The following PDZD2 variants were observed in gnomAD, a reference collection of about 807,000 sequenced individuals.
PDZD2 encodes the protein PDZ domain containing 2.
Under a neutral mutation model 220.7 loss-of-function variants are expected in PDZD2, and 90 were observed. The ratio of observed to expected loss-of-function variants is 0.41; its 90% confidence interval spans 0.34 to 0.49. PDZD2 has a LOEUF of 0.49. Ranked by LOEUF, PDZD2 falls within the 20% of genes least tolerant of loss-of-function variation. PDZD2 has a pLI of 0.28. For synonymous variants in PDZD2, 1,375 were observed against 1,450.5 expected (o/e 0.95, Z 1.18); for missense variants, 3,174 against 3,608.5 (o/e 0.88, Z 3.08).
At chr5:31,690,906 C>T (rs1747092073) in intron 1 of PDZD2, among the ~76,000 whole-genome samples, 1 of 152,102 alleles carries the variant, frequency 6.6e-6, no homozygotes, top group Admixed American at 6.5e-5. Context: ...ATGATGATGA[C>T]CATGATGCCA....
rs1746412025 is a variant in PDZD2 at position 31,943,807 on chromosome 5, T to TG, written c.477-39346dup. Reference sequence around the variant, plus strand: ...CTTTAAACATCTGTCTATCTTAACCTGGATTCTATTAGTAGATTTCAGAGG... The same window carrying TG: ...CTTTAAACATCTGTCTATCTTAACCTGGGATTCTATTAGTAGATTTCAGAGG... On this transcript the variant is annotated intron_variant, in intron 2 of 24. Transcript: ENST00000438447. Among the ~76,000 whole-genome samples the TG allele has an allele frequency of 5.3e-5, 8 of 152,338 alleles. No homozygotes were observed. The South Asian group carries it at 1.7e-3, about 32-fold the overall frequency.
chr5:31,692,337 G>A (rs1678920), intron 1 of PDZD2, among the ~76,000 whole-genome samples: 34,737 of 152,210 alleles, frequency 0.23, 4,508 homozygotes, highest in African/African-American at 0.36. Context: ...GTTCCCGCCC[G>A]CGCCTCTCCC....
At chr5:31,760,242 A>G (rs1222915152) in intron 1 of PDZD2, among the ~76,000 whole-genome samples, 2 of 152,236 alleles carry the variant, frequency 1.3e-5, no homozygotes, top group African/African-American at 4.8e-5. Context: ...CATGATTCTC[A>G]GGAAATGTGC....
chr5:31,818,318 G>A (rs182761127), intron 2 of PDZD2, among the ~76,000 whole-genome samples: 81 of 152,160 alleles, frequency 5.3e-4, no homozygotes, highest in African/African-American at 1.9e-3. Flanking sequence ...TCAAAATTTC[G>A]AAAGTAGTCA....
intron 2 of PDZD2, among the ~76,000 whole-genome samples, chr5:31,895,211 G>T (rs1436598072): frequency 6.6e-6 from 1 of 152,136 alleles, no homozygotes; most frequent in Non-Finnish European, 1.5e-5. Flanking sequence ...TTTGCCAAGT[G>T]CAATGGACTG....
chr5:31,962,701 G>A (rs1459676401), intron 2 of PDZD2, among the ~76,000 whole-genome samples: 1 of 152,190 alleles, frequency 6.6e-6, no homozygotes, highest in Non-Finnish European at 1.5e-5. Flanking sequence ...TGGGGAGCTA[G>A]AACAAGTTGG....
intron 1 of PDZD2, among the ~76,000 whole-genome samples, chr5:31,751,027 G>A (rs1750930630): frequency 6.6e-6 from 1 of 152,146 alleles, no homozygotes; most frequent in Non-Finnish European, 1.5e-5. Flanking sequence ...TGGATCACCT[G>A]AGGTCAGGAG....
intron 8 of PDZD2, among the ~76,000 whole-genome samples, chr5:32,049,685 T>C (rs991203723): frequency 3.9e-5 from 6 of 152,244 alleles, no homozygotes; most frequent in African/African-American, 9.6e-5. Flanking sequence ...TTGCTTCCGA[T>C]GCCCTTTATC....
chr5:31,957,618 G>C (rs558483974), intron 2 of PDZD2, among the ~76,000 whole-genome samples: 3 of 152,144 alleles, frequency 2.0e-5, no homozygotes, highest in African/African-American at 7.2e-5. Context: ...AGACCAGGGG[G>C]TTGCCCATTA....
intron 1 of PDZD2, among the ~76,000 whole-genome samples, chr5:31,650,346 A>G (rs563580353): frequency 6.6e-6 from 1 of 152,336 alleles, no homozygotes; most frequent in Admixed American, 6.5e-5. Flanking sequence ...TGGAGCAAGA[A>G]TTTGAATCCA....
intron 2 of PDZD2, among the ~76,000 whole-genome samples, chr5:31,864,576 A>G (rs1294951594): frequency 6.0e-5 from 9 of 150,074 alleles, no homozygotes; most frequent in Non-Finnish European, 1.2e-4. Flanking sequence ...CTGGAGTGCA[A>G]TGGCACAATC....
chr5:32,014,973 ACT>A (rs1753674416), intron 6 of PDZD2, among the ~76,000 whole-genome samples: 3 of 93,026 alleles, frequency 3.2e-5, no homozygotes, highest in African/African-American at 1.4e-4. Flanking sequence ...ACGGAGTCTC[ACT>A]CTGTCGCCCA....
At position 31,881,672 on chromosome 5, in the gene PDZD2, C is replaced by T. The variant is rs368891455; in HGVS notation, c.476+81948C>T. On this transcript the variant is annotated intron_variant, in intron 2 of 24. Coordinates refer to ENST00000438447, the MANE Select transcript of PDZD2 (RefSeq NM_178140.4). ...GAATTACAGGCGTGAGCCACTGTGC[C>T]GGGGCATGCATATACATAATACAAT... Among the ~76,000 whole-genome samples the T allele has an allele frequency of 8.0e-5, 10 of 124,986 alleles. No individual in the cohort carries two copies. The East Asian group carries it at 8.3e-4, about 10-fold the overall frequency. 82.0% of individuals were successfully genotyped at this position (124,986 alleles called of 152,430 possible).
intron 1 of PDZD2, among the ~76,000 whole-genome samples, chr5:31,689,363 T>TTTC (rs1747024779): frequency 1.1e-5 from 1 of 93,638 alleles, no homozygotes; most frequent in Non-Finnish European, 2.1e-5. Flanking sequence ...ATTTTTTTTT[T>TTTC]TTTTTTTTTT....
intron 2 of PDZD2, among the ~76,000 whole-genome samples, chr5:31,857,172 C>T (rs1758527872): frequency 6.6e-6 from 1 of 152,066 alleles, no homozygotes; most frequent in Non-Finnish European, 1.5e-5. Context: ...TTCTGTGCCC[C>T]AGAGACAACC....
Position 31,987,449 on chromosome 5 carries a change from C to CT in PDZD2, c.978+3793_978+3794insT, listed in dbSNP as rs1239573627. Among the ~76,000 whole-genome samples, 3 of 152,300 alleles carry CT rather than the reference C, an allele frequency of 2.0e-5. No individual in the cohort carries two copies. The East Asian group carries it at 5.8e-4, about 29-fold the overall frequency. ...CTCAGAAGGAGCATCACACTCAGAA[C>CT]ATCTCCCTGATGAGCCCTCACGTTT... On this transcript the variant is annotated intron_variant, in intron 3 of 24. Transcript: ENST00000438447.
rs118073995 is a variant in PDZD2, at chr5:32,051,797, C to A, written c.1666-814C>A. ...AACTGAAGCTGCTGCCGTCTCTCAG[C>A]GGGATGTTTTATGTGGAATAACAGT... On this transcript the variant is annotated intron_variant, in intron 8 of 24. Coordinates refer to ENST00000438447, the MANE Select transcript of PDZD2 (RefSeq NM_178140.4). Among the ~76,000 whole-genome samples, 157 of 152,202 alleles carry A rather than the reference C, an allele frequency of 1.0e-3. 1 individual carries two copies. In the East Asian group the frequency reaches 0.029, roughly 28 times the overall value.
In PDZD2 at chr5:32,092,964, G is replaced by A. The variant is rs16889442; in HGVS notation, c.7785G>A (p.Ser2595=). ...GDQQRLQSVL[S]SVGSKSTILT... ...AGCAAAGATTACAGTCTGTTTTATCGTCAGTGGGATCGAAATCTACCATCC... is the reference window on the plus strand; with the variant it reads ...AGCAAAGATTACAGTCTGTTTTATCATCAGTGGGATCGAAATCTACCATCC... Residue 2595 remains serine (S), a synonymous_variant, in exon 21 of 25, where the codon TCG becomes TCA. Coordinates refer to ENST00000438447, the MANE Select transcript of PDZD2 (RefSeq NM_178140.4). 0.088 allele frequency: 141,664 copies of A among 1,604,742 alleles called. 7,041 individuals carry two copies. The highest frequency in any genetic ancestry group is 0.23 in the East Asian group (10,446 of 44,766).
chr5:31,667,257 A>G lies in PDZD2; in HGVS notation c.-361+27820A>G, dbSNP rs546305963. Reference sequence around the variant, plus strand: ...TCTCAAAAAAAAAAAAAAAAAAAAAAGAGTACCTGCTGCCTGCTGTGTGCC... The same window carrying G: ...TCTCAAAAAAAAAAAAAAAAAAAAAGGAGTACCTGCTGCCTGCTGTGTGCC... On this transcript the variant is annotated intron_variant, in intron 1 of 24. Coordinates refer to ENST00000438447, the MANE Select transcript of PDZD2 (RefSeq NM_178140.4). 9.0e-3 allele frequency among the ~76,000 whole-genome samples: 1,352 copies of G among 149,498 alleles called. 28 individuals carry two copies. The highest frequency in any genetic ancestry group is 0.032 in the African/African-American group (1,285 of 40,440).
Sources: allele counts gnomAD v4.1 joint callset (sites outside exome capture counted in the v4.1 genomes callset), GRCh38; gene constraint gnomAD v4.1.1; transcripts MANE v1.5; gene names NCBI Gene and HGNC (gene_info 2026-07-23, HGNC 2026-07-21).